The following SLC35G3 variants were observed in gnomAD, a reference collection of about 807,000 sequenced individuals.
The protein encoded by SLC35G3 is solute carrier family 35 member G3.
Under a neutral mutation model 17.9 loss-of-function variants are expected in SLC35G3, and 10 were observed. The observed-to-expected ratio is 0.56, with a 90% CI of 0.34 to 0.95. SLC35G3 has a LOEUF of 0.95. SLC35G3 is among the 40% of genes least tolerant of loss of function. The pLI, the probability that SLC35G3 is intolerant of heterozygous loss-of-function variation, is 0.02. For missense variants in SLC35G3, 384 were observed against 433.6 expected (o/e 0.89, Z 1.02); for synonymous variants, 208 against 197.7 (o/e 1.05, Z -0.44).
rs528531908 is a variant in SLC35G3, at chr17:35,192,851, G to A, written c.*440C>T. On this transcript the variant is annotated 3_prime_UTR_variant, in exon 1 of 1. Coordinates refer to ENST00000297307, the MANE Select transcript of SLC35G3 (RefSeq NM_152462.2). ...ATGTCACGTCACCACCCCAAGCGGG[G>A]GGCACAAGCACGAGGAAAGGAAACC... 4.6e-6 allele frequency: 1 copy of A among 218,916 alleles called. No homozygotes were observed. Among genetic ancestry groups the A allele is most frequent in the East Asian group, 1.1e-4 (1 of 9,000 alleles). The allele number at this position is 218,916 out of a possible 1,614,324, so 13.6% of individuals were successfully genotyped here.
chr17:35,194,299 G>A lies in SLC35G3; in HGVS notation c.9C>T (p.Gly3=), dbSNP rs746696244. Residue 3 remains glycine, a synonymous_variant, in exon 1 of 1, where the codon GGC becomes GGT. Transcript: ENST00000297307. ...CAGGCTGGTTGAAATAGGGGTGACT[G>A]CCAGCCATCTTTCCTTGGACTTTCT... MA[G]SHPYFNQPDS... is the part of the protein sequence containing the mutation. The A allele has an allele frequency of 6.2e-7, 1 of 1,607,896 alleles. No homozygotes were observed.
Position 35,193,734 on chromosome 17 carries a change from C to G in SLC35G3, c.574G>C (p.Gly192Arg). 1 of 1,612,204 alleles carries G rather than the reference C, an allele frequency of 6.2e-7. No homozygotes were observed. Among genetic ancestry groups the G allele is most frequent in the Non-Finnish European group, 8.5e-7 (1 of 1,179,876 alleles). ...CCTCCCAGGAAAGCCTCCACATAGCCCAGGGCGGTGTAGACACCCGTGGTC... is the reference window on the plus strand; with the variant it reads ...CCTCCCAGGAAAGCCTCCACATAGCGCAGGGCGGTGTAGACACCCGTGGTC... ...EGTTGVYTAL[G>R]YVEAFLGGLA... The change falls in exon 1 of 1, where the codon GGC becomes CGC. Residue 192 changes from glycine to arginine, a missense_variant. Coordinates refer to ENST00000297307, the MANE Select transcript of SLC35G3 (RefSeq NM_152462.2).
In SLC35G3 at chr17:35,193,443, C is replaced by G; in HGVS notation, c.865G>C (p.Glu289Gln). ...PALVCAVLHSEVVVALILQYY... is the reference protein window; with the variant it reads ...PALVCAVLHSQVVVALILQYY... The stretch of plus-strand genomic sequence containing the variant: ...TGCAGTATAAGGGCCACAACCACCT[C>G]GGAATGTAGGACAGCGCACACCAGG... The change falls in exon 1 of 1, where the codon GAG becomes CAG. Residue 289 changes from glutamate (E) to glutamine (Q), a missense_variant. By Grantham distance (29) the Glu-to-Gln change is conservative (BLOSUM62 2). Coordinates refer to ENST00000297307, the MANE Select transcript of SLC35G3 (RefSeq NM_152462.2). 1 of 1,612,036 alleles carries G rather than the reference C, an allele frequency of 6.2e-7. No individual in the cohort carries two copies. Among genetic ancestry groups the G allele is most frequent in the Non-Finnish European group, 8.5e-7 (1 of 1,179,862 alleles).
chr17:35,193,646 G>C lies in SLC35G3; in HGVS notation c.662C>G (p.Thr221Arg). 6.2e-7 allele frequency: 1 copy of C among 1,612,056 alleles called. No individual in the cohort carries two copies. The highest frequency in any genetic ancestry group is 1.3e-5 in the African/African-American group (1 of 74,992). The change falls in exon 1 of 1, where the codon ACA (threonine) becomes AGA (arginine). Residue 221 changes from threonine to arginine, a missense_variant. By Grantham distance (71) the Thr-to-Arg change is moderately conservative (BLOSUM62 -1). Coordinates refer to ENST00000297307, the MANE Select transcript of SLC35G3 (RefSeq NM_152462.2). ...RSLHFPPCLP[T>R]VAFLSGLVGL... is the part of the protein sequence containing the mutation. ...CACCAAGCCAGATAGGAAGGCCACT[G>C]TTGGGAGGCAGGGGGGAAAGTGCAG...
chr17:35,193,655 CA>C lies in SLC35G3; in HGVS notation c.652del (p.Cys218AlafsTer34), dbSNP rs1567776173. ...AGATAGGAAGGCCACTGTTGGGAGG[CA>C]GGGGGGAAAGTGCAGAGAACGATAG... is the stretch of plus-strand genomic sequence containing the variant. ...LVYRSLHFPPCLPTVAFLSGL... is the reference protein window; with the variant it reads ...LVYRSLHFPPXLPTVAFLSGL... On this transcript the variant is annotated frameshift_variant, in exon 1 of 1. Transcript: ENST00000297307. LOFTEE classifies it high-confidence loss of function. 2.5e-6 allele frequency: 4 copies of C among 1,612,038 alleles called. No homozygotes were observed. The highest frequency in any genetic ancestry group is 3.4e-6 in the Non-Finnish European group (4 of 1,179,858).
At position 35,193,673 on chromosome 17, in the gene SLC35G3, G is replaced by A. The variant is rs2092334859; in HGVS notation, c.635C>T (p.Ser212Phe). The stretch of plus-strand genomic sequence containing the variant: ...TGGGAGGCAGGGGGGAAAGTGCAGA[G>A]AACGATAGACCAGAAGCCTCAGGGA... ...ALSLRLLVYRSLHFPPCLPTV... is the reference protein window; with the variant it reads ...ALSLRLLVYRFLHFPPCLPTV... Residue 212 changes from serine (S) to phenylalanine (F), a missense_variant, in exon 1 of 1, where the codon TCT becomes TTT. Coordinates refer to ENST00000297307, the MANE Select transcript of SLC35G3 (RefSeq NM_152462.2). 1 of 1,612,046 alleles carries A rather than the reference G, an allele frequency of 6.2e-7. No homozygotes were observed. The highest frequency in any genetic ancestry group is 8.5e-7 in the Non-Finnish European group (1 of 1,179,862).
rs554072328 is a variant in SLC35G3 at position 35,193,822 on chromosome 17, C to A, written c.486G>T (p.Leu162=). The A allele has an allele frequency of 6.2e-7, 1 of 1,613,950 alleles. No homozygotes were observed. The highest frequency in any genetic ancestry group is 8.5e-7 in the Non-Finnish European group (1 of 1,179,874). Residue 162 remains leucine, a synonymous_variant, in exon 1 of 1, where the codon CTG becomes CTT. Coordinates refer to ENST00000297307, the MANE Select transcript of SLC35G3 (RefSeq NM_152462.2). The part of the protein sequence containing the change: ...QGLSGYDWCG[L]LGCILGLIII... ...TGATTAGTCCTAGGATGCAGCCCAACAGTCCACACCAGTCGTAGCCACTGA... is the reference window on the plus strand; with the variant it reads ...TGATTAGTCCTAGGATGCAGCCCAAAAGTCCACACCAGTCGTAGCCACTGA...
chr17:35,193,490 G>A lies in SLC35G3; in HGVS notation c.818C>T (p.Ala273Val), dbSNP rs550720367. The A allele has an allele frequency of 4.7e-5, 76 of 1,611,990 alleles. No homozygotes were observed. In the East Asian group the frequency reaches 1.1e-3, roughly 24 times the overall value. ...ALVSFTCVGY[A>V]VTKAHPALVC... ...CAGGGCAGGGTGGGCCTTGGTGACC[G>A]CATAGCCCACACATGTGAAGGAGAC... The change falls in exon 1 of 1, where the codon GCG becomes GTG. Residue 273 changes from alanine to valine, a missense_variant. By Grantham distance (64) the Ala-to-Val change is moderately conservative (BLOSUM62 0). Transcript: ENST00000297307.
At position 35,194,059 on chromosome 17, in the gene SLC35G3, A is replaced by G. The variant is rs2092336693; in HGVS notation, c.249T>C (p.Ile83=). The change falls in exon 1 of 1, where the codon ATT becomes ATC. Residue 83 remains isoleucine (I), a synonymous_variant. Transcript: ENST00000297307. ...CGCCACGCAGTTTAAGTAGCAGGGC[A>G]ATAGGGAGGTGGAAGAGGCATCGCC... The part of the protein sequence containing the change: ...LIWRCLFHLP[I]ALLLKLRGDP... 6.2e-7 allele frequency: 1 copy of G among 1,613,976 alleles called. No homozygotes were observed. Among genetic ancestry groups the G allele is most frequent in the Non-Finnish European group, 8.5e-7 (1 of 1,179,854 alleles).
Position 35,192,986 on chromosome 17 carries a change from G to A in SLC35G3, c.*305C>T, listed in dbSNP as rs976279077. ...CCAATGCTCTTCTCTTTGCTGCTGA[G>A]TGAAGTCCTCCCCATGGCCCACGGC... On this transcript the variant is annotated 3_prime_UTR_variant, in exon 1 of 1. Coordinates refer to ENST00000297307, the MANE Select transcript of SLC35G3 (RefSeq NM_152462.2). 11 of 501,220 alleles carry A rather than the reference G, an allele frequency of 2.2e-5. No homozygotes were observed. Among genetic ancestry groups the A allele is most frequent in the Non-Finnish European group, 4.0e-5 (11 of 276,830 alleles). 31.0% of individuals were successfully genotyped at this position (501,220 alleles called of 1,614,324 possible).
rs1351148888 is a variant in SLC35G3, at chr17:35,193,658, G to T, written c.650C>A (p.Pro217His). 2 of 1,612,030 alleles carry T rather than the reference G, an allele frequency of 1.2e-6. No individual in the cohort carries two copies. The highest frequency in any genetic ancestry group is 2.3e-4 in the Middle Eastern group (1 of 4,432). Residue 217 changes from proline (P) to histidine (H), a missense_variant, in exon 1 of 1, where the codon CCC becomes CAC. Transcript: ENST00000297307. ...LLVYRSLHFP[P>H]CLPTVAFLSG... ...TAGGAAGGCCACTGTTGGGAGGCAG[G>T]GGGGAAAGTGCAGAGAACGATAGAC... is the stretch of plus-strand genomic sequence containing the variant.
Position 35,193,716 on chromosome 17 carries a change from G to A in SLC35G3, c.592C>T (p.Leu198=). 1 of 1,612,074 alleles carries A rather than the reference G, an allele frequency of 6.2e-7. No homozygotes were observed. The highest frequency in any genetic ancestry group is 8.5e-7 in the Non-Finnish European group (1 of 1,179,846). ...YTALGYVEAF[L]GGLALSLRLL... ...CTCAGGGACAGCGCCAGGCCTCCCA[G>A]GAAAGCCTCCACATAGCCCAGGGCG... Residue 198 remains leucine, a synonymous_variant, in exon 1 of 1, where the codon CTG becomes TTG. Coordinates refer to ENST00000297307, the MANE Select transcript of SLC35G3 (RefSeq NM_152462.2).
At position 35,193,564 on chromosome 17, in the gene SLC35G3, A is replaced by G. The variant is rs1567776118; in HGVS notation, c.744T>C (p.Ser248=). 1.2e-6 allele frequency: 2 copies of G among 1,612,036 alleles called. No homozygotes were observed. Among genetic ancestry groups the G allele is most frequent in the Admixed American group, 1.7e-5 (1 of 60,014 alleles). The change falls in exon 1 of 1, where the codon AGT becomes AGC. Residue 248 remains serine, a synonymous_variant. Transcript: ENST00000297307. The part of the protein sequence containing the change: ...LFVLQAPVLP[S]DLLSWSCVGA... Reference sequence around the variant, plus strand: ...CCACACAACTCCAACTCAGGAGGTCACTGGGCAACACGGGGGCCTGCAGCA... The same window carrying G: ...CCACACAACTCCAACTCAGGAGGTCGCTGGGCAACACGGGGGCCTGCAGCA...
Position 35,193,833 on chromosome 17 carries a change from A to C in SLC35G3, c.475T>G (p.Trp159Gly). ...LESQGLSGYD[W>G]CGLLGCILGL... ...AGGATGCAGCCCAACAGTCCACACC[A>C]GTCGTAGCCACTGAGACCCTGGCTC... is the stretch of plus-strand genomic sequence containing the variant. The change falls in exon 1 of 1, where the codon TGG becomes GGG. Residue 159 changes from tryptophan (W) to glycine (G), a missense_variant. Physicochemically the swap from Trp to Gly is radical, Grantham distance 184. Transcript: ENST00000297307. 10 of 1,613,978 alleles carry C rather than the reference A, an allele frequency of 6.2e-6. No homozygotes were observed. Among genetic ancestry groups the C allele is most frequent in the Middle Eastern group, 1.7e-4 (1 of 6,046 alleles).
Position 35,193,394 on chromosome 17 carries a change from A to G in SLC35G3, c.914T>C (p.Val305Ala). Residue 305 changes from valine (V) to alanine (A), a missense_variant, in exon 1 of 1, where the codon GTG (valine) becomes GCG (alanine). Coordinates refer to ENST00000297307, the MANE Select transcript of SLC35G3 (RefSeq NM_152462.2). ...ILQYYMLHET[V>A]APSDIVAAGV... Reference sequence around the variant, plus strand: ...TGCCGCCACGATGTCAGAAGGTGCCACAGTCTCATGGAGCATATAATACTG... The same window carrying G: ...TGCCGCCACGATGTCAGAAGGTGCCGCAGTCTCATGGAGCATATAATACTG... 3 of 1,611,994 alleles carry G rather than the reference A, an allele frequency of 1.9e-6. No individual in the cohort carries two copies. The highest frequency in any genetic ancestry group is 2.5e-6 in the Non-Finnish European group (3 of 1,179,858).
At position 35,192,780 on chromosome 17, in the gene SLC35G3, CT is replaced by C. The variant is rs76605387; in HGVS notation, c.*510del. 0.018 allele frequency: 2,649 copies of C among 146,464 alleles called. 28 individuals carry two copies. The highest frequency in any genetic ancestry group is 0.041 in the African/African-American group (1,563 of 38,320). The allele number at this position is 146,464 out of a possible 1,614,324, so 9.1% of individuals were successfully genotyped here. A position where few individuals can be genotyped will look rare whatever the true frequency, so the allele number is the denominator to read the frequency against. On this transcript the variant is annotated 3_prime_UTR_variant, in exon 1 of 1. Transcript: ENST00000297307. ...GTCATAGAAATGTCTATTCAGGTATCTTTTTTTTTTTTTTTCACATTCACTG... is the reference window on the plus strand; with the variant it reads ...GTCATAGAAATGTCTATTCAGGTATCTTTTTTTTTTTTTTCACATTCACTG...
At position 35,193,653 on chromosome 17, in the gene SLC35G3, G is replaced by A; in HGVS notation, c.655C>T (p.Leu219Phe). ...CCAGATAGGAAGGCCACTGTTGGGA[G>A]GCAGGGGGGAAAGTGCAGAGAACGA... Reference protein sequence around the residue: ...VYRSLHFPPCLPTVAFLSGLV... With the variant: ...VYRSLHFPPCFPTVAFLSGLV... Residue 219 changes from leucine to phenylalanine, a missense_variant, in exon 1 of 1, where the codon CTC becomes TTC. Leu to Phe is a conservative substitution (Grantham distance 22, BLOSUM62 0). Transcript: ENST00000297307. 2 of 1,612,066 alleles carry A rather than the reference G, an allele frequency of 1.2e-6. No homozygotes were observed. The highest frequency in any genetic ancestry group is 2.3e-4 in the Middle Eastern group (1 of 4,434).
In SLC35G3 at chr17:35,194,364, T is replaced by C. The variant is rs2142633932; in HGVS notation, c.-57A>G. 7.7e-6 allele frequency: 12 copies of C among 1,554,986 alleles called. No homozygotes were observed. Among genetic ancestry groups the C allele is most frequent in the African/African-American group, 5.5e-5 (4 of 73,036 alleles). On this transcript the variant is annotated 5_prime_UTR_variant, in exon 1 of 1. Transcript: ENST00000297307. ...TCAGGGAGCCTGGGCCCCTCAGAGC[T>C]CCAGCCATTGTGACCTCATTGGAGT... is the stretch of plus-strand genomic sequence containing the variant.
rs753412225 is a variant in SLC35G3, at chr17:35,193,945, C to A, written c.363G>T (p.Ala121=). The change falls in exon 1 of 1, where the codon GCG becomes GCT. Residue 121 remains alanine (A), a synonymous_variant. Transcript: ENST00000297307. The stretch of plus-strand genomic sequence containing the variant: ...CGTTGCCAGCGGGCACCACCTGAAC[C>A]GCACTGTAGGCACATCCAATGCTGA... The part of the protein sequence containing the change: ...NILSIGCAYS[A]VQVVPAGNAA... 1 of 1,613,880 alleles carries A rather than the reference C, an allele frequency of 6.2e-7. No individual in the cohort carries two copies.
Sources: gnomAD v4.1 joint callset for allele counts on GRCh38, gnomAD v4.1.1 for gene constraint, MANE v1.5 for transcripts, NCBI Gene and HGNC (gene_info 2026-07-23, HGNC 2026-07-21) for gene names.